PCDH15: variants seen among roughly 807,000 people sequenced by gnomAD.
PCDH15 encodes the protein protocadherin related 15.
In PCDH15, 129 loss-of-function variants were observed where a neutral mutation model predicts 178.5. The ratio of observed to expected loss-of-function variants is 0.72; its 90% CI spans 0.63 to 0.84. The LOEUF is 0.84. Among genes scored for constraint, PCDH15 ranks in the 40% least tolerant of loss-of-function variants. The pLI, the probability that PCDH15 is intolerant of heterozygous loss-of-function variation, is 0.00. For missense variants in PCDH15, 2,230 were observed against 2,099.9 expected, an observed-to-expected ratio of 1.06 and a Z score of -1.21; for synonymous variants, 800 against 732.0, an observed-to-expected ratio of 1.09 and a Z score of -1.50.
chr10:54,388,177 A>T (rs563164319), intron 3 of PCDH15, among the ~76,000 whole-genome samples: 15 of 152,204 alleles, frequency 9.9e-5, no homozygotes, highest in Non-Finnish European at 2.2e-4. Context: ...AGGATCAATT[A>T]TCCCCCACAA....
intron 2 of PCDH15, among the ~76,000 whole-genome samples, chr10:55,405,103 C>A (rs1470881597): frequency 6.6e-6 from 1 of 151,094 alleles, no homozygotes; most frequent in Non-Finnish European, 1.5e-5. Flanking sequence ...GGAATCAGGG[C>A]ATAAAATATA....
At chr10:55,558,397 G>A (rs146645729) in intron 2 of PCDH15, among the ~76,000 whole-genome samples, 4 of 152,170 alleles carry the variant, frequency 2.6e-5, no homozygotes, top group African/African-American at 7.2e-5. Context: ...ATGTCTGCAG[G>A]TGTTTAGCTA....
intron 3 of PCDH15, among the ~76,000 whole-genome samples, chr10:54,838,451 T>C (rs960970290): frequency 2.0e-5 from 3 of 152,142 alleles, no homozygotes; most frequent in African/African-American, 7.2e-5. Context: ...TCTGCCATGA[T>C]TGTAAATTTT....
intron 2 of PCDH15, among the ~76,000 whole-genome samples, chr10:55,121,405 C>T (rs572911080): frequency 4.0e-4 from 60 of 151,600 alleles, no homozygotes; most frequent in South Asian, 2.5e-3. Context: ...TGAGTTCCAC[C>T]GATATCTGCT....
intron 33 of PCDH15, 188 bp from the exon 34 acceptor site, chr10:53,818,201 C>G (rs115908563): frequency 3.2e-5 from 12 of 378,058 alleles, no homozygotes; most frequent in African/African-American, 2.5e-4. Flanking sequence ...GGTTTCACAC[C>G]TGAATTACTA....
At chr10:53,882,652 C>T (rs2080810560) in intron 26 of PCDH15, among the ~76,000 whole-genome samples, 1 of 152,132 alleles carries the variant, frequency 6.6e-6, no homozygotes, top group African/African-American at 2.4e-5. Flanking sequence ...TGTGAGCCAC[C>T]GTGCCTGACC....
At chr10:55,515,568 T>G (rs574811896) in intron 2 of PCDH15, among the ~76,000 whole-genome samples, 1 of 151,840 alleles carries the variant, frequency 6.6e-6, no homozygotes, top group African/African-American at 2.4e-5. Flanking sequence ...ATCTTTAAAT[T>G]AATTAATAAG....
Position 54,512,917 on chromosome 10 carries a change from C to A in PCDH15, c.157+14895G>T, listed in dbSNP as rs550424459. Among the ~76,000 whole-genome samples the A allele has an allele frequency of 3.9e-5, 6 of 151,996 alleles. No homozygotes were observed. In the East Asian group the frequency reaches 9.7e-4, roughly 24 times the overall value. On this transcript the variant is annotated intron_variant, in intron 3 of 37. Transcript: ENST00000644397. ...TACCATCAAAAGTTAAAAACTAAAG[C>A]GAGCCATTTTCCAAGAATTAGACAG...
At chr10:55,175,083 T>C (rs1197533702) in intron 1 of PCDH15, among the ~76,000 whole-genome samples, 1 of 151,986 alleles carries the variant, frequency 6.6e-6, no homozygotes, top group African/African-American at 2.4e-5. Flanking sequence ...GGAAGAACCT[T>C]ATCCAATTGG....
chr10:54,747,806 A>ATTTTTTTTTTT lies in PCDH15; in HGVS notation c.-29+53108_-29+53118dup, dbSNP rs10628733. Among the ~76,000 whole-genome samples the ATTTTTTTTTTT allele has an allele frequency of 9.5e-4, 129 of 135,538 alleles. 5 individuals carry two copies. Among genetic ancestry groups the ATTTTTTTTTTT allele is most frequent in the East Asian group, 5.3e-3 (24 of 4,496 alleles). 88.9% of individuals were successfully genotyped at this position (135,538 alleles called of 152,430 possible). Reference sequence around the variant, plus strand: ...AAAAATAAAATCACTCAATGGTTACATTTTTTTTTTTTTTTTTGAGACGGA... The same window carrying ATTTTTTTTTTT: ...AAAAATAAAATCACTCAATGGTTACATTTTTTTTTTTTTTTTTTTTTTTTTTTTGAGACGGA... On this transcript the variant is annotated intron_variant, in intron 1 of 37. Coordinates refer to ENST00000644397, the MANE Select transcript of PCDH15 (RefSeq NM_001384140.1).
chr10:53,992,459 TAAGGAATGG>T (rs2091586367), intron 21 of PCDH15, among the ~76,000 whole-genome samples: 1 of 152,090 alleles, frequency 6.6e-6, no homozygotes, highest in Admixed American at 6.6e-5. Context: ...ATATAAAATA[TAAGGAATGG>T]TACAAATAAT....
At chr10:55,173,817 C>T (rs1839407386) in intron 1 of PCDH15, among the ~76,000 whole-genome samples, 1 of 151,952 alleles carries the variant, frequency 6.6e-6, no homozygotes, top group African/African-American at 2.4e-5. Flanking sequence ...TGAAACTTTA[C>T]TCCTTAGTAC....
chr10:54,375,698 A>G (rs1046986870), intron 4 of PCDH15, among the ~76,000 whole-genome samples: 3 of 150,672 alleles, frequency 2.0e-5, no homozygotes, highest in Non-Finnish European at 3.0e-5. Flanking sequence ...TAGTGATTAT[A>G]ATACAAAGCT....
intron 1 of PCDH15, among the ~76,000 whole-genome samples, chr10:55,311,216 A>G (rs1024627345): frequency 2.0e-5 from 3 of 152,182 alleles, no homozygotes; most frequent in Non-Finnish European, 4.4e-5. Context: ...TTGGTAATGC[A>G]TGCTAAAGTC....
intron 2 of PCDH15, among the ~76,000 whole-genome samples, chr10:55,559,568 T>C (rs972500065): frequency 1.3e-5 from 2 of 151,980 alleles, no homozygotes; most frequent in African/African-American, 4.8e-5. Flanking sequence ...CAAGTAAAGA[T>C]AGTTAATAGG....
chr10:55,241,629 C>CTCAGGCTGG (rs1215406230), intron 1 of PCDH15, among the ~76,000 whole-genome samples: 2 of 152,052 alleles, frequency 1.3e-5, no homozygotes, highest in African/African-American at 2.4e-5. Context: ...TACTATGTTG[C>CTCAGGCTGG]TCAGGCTGGT....
At chr10:54,181,178 CTA>C (rs1368070891) in intron 13 of PCDH15, among the ~76,000 whole-genome samples, 1 of 151,930 alleles carries the variant, frequency 6.6e-6, no homozygotes, top group African/African-American at 2.4e-5. Context: ...TTTATGTAAA[CTA>C]TGATTTTTCT....
chr10:53,817,966 T>G (rs1389578406), intron 34 of PCDH15, 29 bp downstream of exon 34: 1 of 398,564 alleles, frequency 2.5e-6, no homozygotes, highest in Non-Finnish European at 4.4e-6. Context: ...AGTATGCTTG[T>G]TACGACATCA....
chr10:54,416,691 G>C (rs1954457902), intron 3 of PCDH15, among the ~76,000 whole-genome samples: 1 of 152,134 alleles, frequency 6.6e-6, no homozygotes, highest in Non-Finnish European at 1.5e-5. Flanking sequence ...GATCCTTGAT[G>C]AATCACCATA....
Sources: gnomAD v4.1 joint callset for allele counts (sites outside exome capture counted in the v4.1 genomes callset) on GRCh38, gnomAD v4.1.1 for gene constraint, MANE v1.5 for transcripts, NCBI Gene and HGNC (gene_info 2026-07-23, HGNC 2026-07-21) for gene names.